RELN: variants seen among roughly 807,000 people sequenced by gnomAD.
The protein encoded by RELN is reelin.
RELN carries 108 observed loss-of-function variants against 427.6 expected under a neutral mutation model. That is an observed-to-expected ratio of 0.25 (90% CI 0.22 to 0.30). The LOEUF (loss-of-function observed/expected upper bound fraction) is 0.30, where lower values mean the gene tolerates loss of function less well. Ranked by LOEUF, RELN falls within the 10% of genes least tolerant of loss-of-function variation. RELN has a pLI of 1.00. For synonymous variants in RELN, 1,524 were observed against 1,513.4 expected, an observed-to-expected ratio of 1.01 and a Z score of -0.16; for missense variants, 3,715 against 4,302.8, an observed-to-expected ratio of 0.86 and a Z score of 3.82.
intron 1 of RELN, among the ~76,000 whole-genome samples, chr7:103,983,276 G>C (rs932049179): frequency 1.3e-5 from 2 of 152,188 alleles, no homozygotes; most frequent in Non-Finnish European, 2.9e-5. Flanking sequence ...AATAGGTATA[G>C]TTTTAGAGAA....
intron 3 of RELN, among the ~76,000 whole-genome samples, chr7:103,814,639 G>A (rs1261898028): frequency 2.0e-5 from 3 of 152,096 alleles, no homozygotes; most frequent in Non-Finnish European, 4.4e-5. Flanking sequence ...GAGAGCAGAA[G>A]GGTGGAGCTC....
At chr7:103,512,049 T>C (rs1829437023) in intron 50 of RELN, among the ~76,000 whole-genome samples, 1 of 152,146 alleles carries the variant, frequency 6.6e-6, no homozygotes, top group Non-Finnish European at 1.5e-5. Flanking sequence ...TCTTAACATA[T>C]GTTCAGTGCA....
Position 103,596,512 on chromosome 7 carries a change from C to T in RELN, c.3483G>A (p.Gly1161=), listed in dbSNP as rs1254504314. 5 of 1,613,944 alleles carry T rather than the reference C, an allele frequency of 3.1e-6. No homozygotes were observed. The African/African-American group carries it at 4.0e-5, about 13-fold the overall frequency. ...CTGCTAGCAGGTGCCACTGGATGCC[C>T]CCATTGTTGCTGTACTGAAGGAGGA... ...EGVLLQYSNN[G]GIQWHLLAEM... is the part of the protein sequence containing the mutation. The change falls in exon 25 of 65, where the codon GGG becomes GGA. Residue 1161 remains glycine, a synonymous_variant. Coordinates refer to ENST00000428762, the MANE Select transcript of RELN (RefSeq NM_005045.4).
intron 38 of RELN, among the ~76,000 whole-genome samples, chr7:103,554,338 G>A (rs562740767): frequency 6.6e-6 from 1 of 151,956 alleles, no homozygotes; most frequent in African/African-American, 2.4e-5. Flanking sequence ...GCACTTTGGG[G>A]GCCCAAGATG....
In RELN at chr7:103,835,848, G is replaced by C. The variant is rs377399092; in HGVS notation, c.338-2176C>G. On this transcript the variant is annotated intron_variant, in intron 2 of 64. Transcript: ENST00000428762. ...ACCTAGTACCCTATCTGGAAGCAGT[G>C]GTCTCTCATAAATCTTGATTTTCTT... 8.6e-5 allele frequency among the ~76,000 whole-genome samples: 13 copies of C among 151,822 alleles called. No individual in the cohort carries two copies. The South Asian group carries it at 1.0e-3, about 12-fold the overall frequency.
chr7:103,817,856 A>G (rs262363), intron 3 of RELN, among the ~76,000 whole-genome samples: 75,064 of 148,284 alleles, frequency 0.51, 19,196 homozygotes, highest in Admixed American at 0.6. Flanking sequence ...GAGGCAGGAG[A>G]ATTGCTTAAA....
chr7:103,736,858 T>C (rs28541550), intron 6 of RELN, among the ~76,000 whole-genome samples: 3,810 of 152,268 alleles, frequency 0.025, 141 homozygotes, highest in African/African-American at 0.078. Context: ...CTGGTTAACC[T>C]TTCTATTGTA....
intron 20 of RELN, among the ~76,000 whole-genome samples, chr7:103,627,060 C>G (rs1832344228): frequency 6.6e-6 from 1 of 152,066 alleles, no homozygotes; most frequent in South Asian, 2.1e-4. Context: ...TGAGTAACGA[C>G]AGTCTATGCT....
intron 27 of RELN, among the ~76,000 whole-genome samples, chr7:103,592,709 C>T (rs1831447516): frequency 6.6e-6 from 1 of 152,038 alleles, no homozygotes; most frequent in African/African-American, 2.4e-5. Context: ...CCTACACAAC[C>T]ATGGTTTGTG....
intron 49 of RELN, among the ~76,000 whole-genome samples, chr7:103,516,988 C>G (rs1273205043): frequency 6.6e-6 from 1 of 152,010 alleles, no homozygotes; most frequent in East Asian, 1.9e-4. Flanking sequence ...TTCTGTGCGC[C>G]CTTTGGGCCA....
chr7:103,745,393 A>T (rs980067788), intron 6 of RELN, among the ~76,000 whole-genome samples: 6 of 151,596 alleles, frequency 4.0e-5, no homozygotes, highest in Non-Finnish European at 8.8e-5. Context: ...CCTATTCAAC[A>T]TGGTGTTGGA....
chr7:103,522,009 GC>G lies in RELN; in HGVS notation c.7668+12del. Reference sequence around the variant, plus strand: ...GAAGAGCAGAAATGAGTAACCAGCAGCCAAACACTCACCCCACTGAAATGGA... The same window carrying G: ...GAAGAGCAGAAATGAGTAACCAGCAGCAAACACTCACCCCACTGAAATGGA... On this transcript the variant is annotated intron_variant, in intron 48 of 64. Transcript: ENST00000428762. 1 of 1,613,736 alleles carries G rather than the reference GC, an allele frequency of 6.2e-7. No individual in the cohort carries two copies.
At chr7:103,872,047 T>TTTC (rs1281863175) in intron 2 of RELN, among the ~76,000 whole-genome samples, 6 of 108,602 alleles carry the variant, frequency 5.5e-5, no homozygotes, top group Admixed American at 2.8e-4. Context: ...TTTTTTCTTT[T>TTTC]TTTTCTTTTT....
At chr7:103,867,055 C>T (rs112244466) in intron 2 of RELN, among the ~76,000 whole-genome samples, 4,066 of 152,164 alleles carry the variant, frequency 0.027, 79 homozygotes, top group Non-Finnish European at 0.042. Context: ...AAAATGAGAC[C>T]TGTTAAGACT....
chr7:103,490,854 A>C, intron 58 of RELN, 25 bp from the exon 59 acceptor site: 1 of 1,613,544 alleles, frequency 6.2e-7, no homozygotes, highest in Non-Finnish European at 8.5e-7. Flanking sequence ...AGGCTTTGTT[A>C]GACAAATTGT....
chr7:103,960,169 C>T (rs1796518975), intron 1 of RELN, among the ~76,000 whole-genome samples: 1 of 152,202 alleles, frequency 6.6e-6, no homozygotes. Context: ...TCACGCAAAT[C>T]CTTTCAAAAG....
intron 1 of RELN, among the ~76,000 whole-genome samples, chr7:103,928,265 C>T (rs1563096084): frequency 6.6e-6 from 1 of 152,154 alleles, no homozygotes; most frequent in African/African-American, 2.4e-5. Flanking sequence ...TTGATCAATA[C>T]AATTATTACT....
intron 1 of RELN, among the ~76,000 whole-genome samples, chr7:103,920,797 C>G (rs1795601880): frequency 6.6e-6 from 1 of 152,148 alleles, no homozygotes; most frequent in African/African-American, 2.4e-5. Context: ...TGGTCTTGAA[C>G]TCCTGGCCTC....
chr7:103,989,147 C>T lies in RELN; in HGVS notation c.210G>A (p.Pro70=). 1.2e-6 allele frequency: 2 copies of T among 1,613,956 alleles called. No homozygotes were observed. The highest frequency in any genetic ancestry group is 2.2e-5 in the East Asian group (1 of 44,812). Residue 70 remains proline (P), a synonymous_variant, in exon 1 of 65, where the codon CCG becomes CCA. Transcript: ENST00000428762. This position sits in a 1 kb window ranked among gnomAD's most constrained non-coding sequence, Gnocchi z 4.9. ...HIAGNPTYYV[P]GQEYHVTIST... The stretch of plus-strand genomic sequence containing the variant: ...GGTACCTACCATGGTATTCTTGTCC[C>T]GGAACGTAGTAGGTGGGGTTGCCCG...
Sources: allele counts gnomAD v4.1 joint callset (sites outside exome capture counted in the v4.1 genomes callset), GRCh38; gene constraint gnomAD v4.1.1; non-coding constraint Gnocchi (gnomAD v3.1); transcripts MANE v1.5; gene names NCBI Gene and HGNC (gene_info 2026-07-23, HGNC 2026-07-21).